Variants in PRKN observed in about 807,000 individuals in gnomAD.
The protein encoded by PRKN is parkin RBR E3 ubiquitin protein ligase.
PRKN carries 56 observed loss-of-function variants against 59.5 expected under a neutral mutation model. The ratio of observed to expected loss-of-function variants is 0.94; its 90% CI spans 0.76 to 1.18. PRKN has a LOEUF of 1.18. Ranked by LOEUF, PRKN falls within the 50% of genes most tolerant of loss-of-function variation. The probability of loss-of-function intolerance (pLI) is 0.00; values close to 1 mark genes in which losing one functional copy is unlikely to be tolerated. For missense variants in PRKN, 657 were observed against 596.4 expected (o/e 1.10, Z -1.06); for synonymous variants, 250 against 222.1 (o/e 1.13, Z -1.12).
At chr6:161,572,464 A>G (rs1479147716) in intron 7 of PRKN, among the ~76,000 whole-genome samples, 4 of 152,076 alleles carry the variant, frequency 2.6e-5, no homozygotes, top group Non-Finnish European at 5.9e-5. Context: ...GTTTGAGACC[A>G]GCCTGGCCAA....
intron 6 of PRKN, among the ~76,000 whole-genome samples, chr6:161,815,526 G>C (rs936721275): frequency 3.9e-5 from 6 of 152,134 alleles, no homozygotes; most frequent in African/African-American, 1.2e-4. Flanking sequence ...GGAATAACAA[G>C]CACTGAATTT....
rs1398042058 is a variant in PRKN, at chr6:161,943,489, AGTT to A, written c.734+29810_734+29812del. On this transcript the variant is annotated intron_variant, in intron 6 of 11. Coordinates refer to ENST00000366898, the MANE Select transcript of PRKN (RefSeq NM_004562.3). ...TATGTATATTTTGAAGGAATATAAC[AGTT>A]TAATGCTATTTTCACAAATGATTAT... Among the ~76,000 whole-genome samples, 4 of 152,398 alleles carry A rather than the reference AGTT, an allele frequency of 2.6e-5. No homozygotes were observed. The South Asian group carries it at 8.3e-4, about 32-fold the overall frequency.
chr6:162,350,566 A>C (rs1784581769), intron 2 of PRKN, among the ~76,000 whole-genome samples: 1 of 152,252 alleles, frequency 6.6e-6, no homozygotes, highest in Non-Finnish European at 1.5e-5. Context: ...GAGGCTATTC[A>C]GTGCAGAATG....
chr6:162,656,882 C>G (rs899488305), intron 1 of PRKN, among the ~76,000 whole-genome samples: 2 of 152,196 alleles, frequency 1.3e-5, no homozygotes, highest in Non-Finnish European at 2.9e-5. Context: ...AGGCACCCAC[C>G]CTCCAGGTAC....
At position 161,841,318 on chromosome 6, in the gene PRKN, T is replaced by G. The variant is rs534949523; in HGVS notation, c.735-55410A>C. Among the ~76,000 whole-genome samples, 37 of 151,672 alleles carry G rather than the reference T, an allele frequency of 2.4e-4. No individual in the cohort carries two copies. The South Asian group carries it at 7.5e-3, about 31-fold the overall frequency. On this transcript the variant is annotated intron_variant, in intron 6 of 11. Transcript: ENST00000366898. The stretch of plus-strand genomic sequence containing the variant: ...GTTAGTCAGGCTCTTCTGAATCCTC[T>G]TCCTATCTGCCATGACTTTTAGGCT...
intron 7 of PRKN, among the ~76,000 whole-genome samples, chr6:161,772,358 T>C (rs1340052570): frequency 6.6e-6 from 1 of 152,148 alleles, no homozygotes; most frequent in Non-Finnish European, 1.5e-5. Context: ...ACTGCAGAGA[T>C]CACAGACTGT....
chr6:161,864,770 C>A (rs1794046263), intron 6 of PRKN, among the ~76,000 whole-genome samples: 1 of 151,020 alleles, frequency 6.6e-6, no homozygotes, highest in Admixed American at 6.6e-5. Context: ...GATTCTCCTG[C>A]CCTAGCCTCC....
intron 6 of PRKN, among the ~76,000 whole-genome samples, chr6:161,807,779 C>A (rs1455389443): frequency 6.6e-6 from 1 of 152,160 alleles, no homozygotes; most frequent in Non-Finnish European, 1.5e-5. Context: ...TTGATTAAGG[C>A]CCTACCCTAC....
chr6:161,506,546 T>G (rs138981169), intron 9 of PRKN, among the ~76,000 whole-genome samples: 29 of 152,328 alleles, frequency 1.9e-4, no homozygotes, highest in Non-Finnish European at 3.5e-4. Context: ...ATTTGTTGCC[T>G]ATTTAATGAA....
At position 161,566,492 on chromosome 6, in the gene PRKN, C is replaced by T. The variant is rs755491614; in HGVS notation, c.933+2863G>A. Reference sequence around the variant, plus strand: ...CACGATATTGGCTCACTGCAACCTCCGCCTCCCAGGCTCAAGCAATTCTCC... The same window carrying T: ...CACGATATTGGCTCACTGCAACCTCTGCCTCCCAGGCTCAAGCAATTCTCC... On this transcript the variant is annotated intron_variant, in intron 8 of 11. Transcript: ENST00000366898. This position sits in a 1 kb window ranked among gnomAD's most constrained non-coding sequence, Gnocchi z 4.1. Among the ~76,000 whole-genome samples, 1 of 152,158 alleles carries T rather than the reference C, an allele frequency of 6.6e-6. No individual in the cohort carries two copies. Among genetic ancestry groups the T allele is most frequent in the Non-Finnish European group, 1.5e-5 (1 of 68,024 alleles).
intron 4 of PRKN, among the ~76,000 whole-genome samples, chr6:162,172,491 T>C (rs960786063): frequency 5.3e-5 from 8 of 152,226 alleles, no homozygotes; most frequent in African/African-American, 1.9e-4. Flanking sequence ...TTACCACAGA[T>C]GGACTGGGTT....
intron 8 of PRKN, among the ~76,000 whole-genome samples, chr6:161,564,728 T>TTCTCTC (rs373700280): frequency 6.6e-6 from 1 of 150,984 alleles, no homozygotes; most frequent in African/African-American, 2.4e-5. Flanking sequence ...TGACATCCAT[T>TTCTCTC]TCTCTCTCTC....
chr6:162,717,307 T>G (rs559172157), intron 1 of PRKN, among the ~76,000 whole-genome samples: 25 of 152,186 alleles, frequency 1.6e-4, no homozygotes, highest in African/African-American at 4.8e-5. Flanking sequence ...CTGGGCACAG[T>G]GGCTCACACC....
intron 4 of PRKN, among the ~76,000 whole-genome samples, chr6:162,155,703 C>T (rs76976342): frequency 1.3e-5 from 2 of 151,872 alleles, no homozygotes; most frequent in Non-Finnish European, 2.9e-5. Context: ...GAAAAACTTG[C>T]CTTCATCCAA....
chr6:162,292,998 G>A (rs911958222), intron 2 of PRKN, among the ~76,000 whole-genome samples: 1 of 152,160 alleles, frequency 6.6e-6, no homozygotes, highest in African/African-American at 2.4e-5. Context: ...GGGCAAGGAG[G>A]AGGTCAAAGA....
chr6:162,517,821 T>C (rs1777928456), intron 1 of PRKN, among the ~76,000 whole-genome samples: 1 of 152,188 alleles, frequency 6.6e-6, no homozygotes, highest in South Asian at 2.1e-4. Flanking sequence ...ACATCATATA[T>C]TATATTAACC....
intron 6 of PRKN, among the ~76,000 whole-genome samples, chr6:161,884,876 G>T (rs1020803373): frequency 6.6e-6 from 1 of 151,850 alleles, no homozygotes; most frequent in African/African-American, 2.4e-5. Context: ...TGCAGGTCAT[G>T]AGGTCTCTGT....
chr6:161,369,954 A>G lies in PRKN; in HGVS notation c.1168-9749T>C. On this transcript the variant is annotated intron_variant, in intron 10 of 11. Transcript: ENST00000366898. This position sits in a 1 kb window ranked among gnomAD's most constrained non-coding sequence, Gnocchi z 5.8. ...CATCGTGAGTAAGATCAACACACAA[A>G]CGGCTTAGCACAGAGCCAGGTGCAC... is the stretch of plus-strand genomic sequence containing the variant. The G allele has an allele frequency of 2.3e-6, 1 of 432,820 alleles. No homozygotes were observed. The highest frequency in any genetic ancestry group is 4.8e-6 in the Non-Finnish European group (1 of 209,124). 26.8% of individuals were successfully genotyped at this position (432,820 alleles called of 1,614,324 possible). A position where few individuals can be genotyped will look rare whatever the true frequency, so the allele number is the denominator to read the frequency against.
At chr6:161,580,114 T>C (rs540078260) in intron 7 of PRKN, among the ~76,000 whole-genome samples, 3 of 152,354 alleles carry the variant, frequency 2.0e-5, no homozygotes, top group East Asian at 3.9e-4. Context: ...GCTTCTATGA[T>C]GCGGGAAAAC....
Sources: allele counts gnomAD v4.1 joint callset (sites outside exome capture counted in the v4.1 genomes callset), GRCh38; gene constraint gnomAD v4.1.1; non-coding constraint Gnocchi (gnomAD v3.1); transcripts MANE v1.5; gene names NCBI Gene and HGNC (gene_info 2026-07-23, HGNC 2026-07-21).